ERBB2: variants seen among roughly 807,000 people sequenced by gnomAD.
The protein encoded by ERBB2 is erb-b2 receptor tyrosine kinase 2.
In ERBB2, 61 loss-of-function variants were observed where a neutral mutation model predicts 149.0. The observed-to-expected ratio is 0.41, with a 90% CI of 0.33 to 0.51. The LOEUF is 0.51. ERBB2 is among the 20% of genes least tolerant of loss of function. The pLI, the probability that ERBB2 is intolerant of heterozygous loss-of-function variation, is 0.25. For missense variants in ERBB2, 1,205 were observed against 1,655.1 expected (o/e 0.73, Z 4.72); for synonymous variants, 633 against 678.8 (o/e 0.93, Z 1.05).
At chr17:39,709,592 C>T in intron 4 of ERBB2, 140 bp downstream of exon 4, 2 of 1,026,138 alleles carry the variant, frequency 1.9e-6, no homozygotes, top group Non-Finnish European at 2.9e-6. Flanking sequence ...GTCCCTCCTG[C>T]CATCTCCCTG....
intron 7 of ERBB2, 87 bp downstream of exon 7, chr17:39,710,568 A>G: frequency 6.8e-7 from 1 of 1,480,918 alleles, no homozygotes. Flanking sequence ...CACTGTCTGC[A>G]TCTTGCTTTG....
At chr17:39,708,298 C>A (rs1167002759) in intron 2 of ERBB2, 23 bp from the exon 3 acceptor site, 1 of 1,598,462 alleles carries the variant, frequency 6.3e-7, no homozygotes, top group Non-Finnish European at 8.6e-7. Flanking sequence ...CTATTTCAGC[C>A]CCACTCTGCT....
Position 39,711,719 on chromosome 17 carries a change from C to T in ERBB2, c.902-209C>T, listed in dbSNP as rs1449933917. On this transcript the variant is annotated intron_variant, in intron 7 of 26. Coordinates refer to ENST00000269571, the MANE Select transcript of ERBB2 (RefSeq NM_004448.4). ...CTTGAATAATTTACAGAACTCTCTG[C>T]TTTGGTCTCCCTTTTTGCAAAATGG... Among the ~76,000 whole-genome samples, 66 of 152,230 alleles carry T rather than the reference C, an allele frequency of 4.3e-4. 2 individuals carry two copies. Among genetic ancestry groups the T allele is most frequent in the Admixed American group, 4.3e-3 (66 of 15,284 alleles).
intron 16 of ERBB2, 26 bp downstream of exon 16, chr17:39,719,860 C>T (rs1169654029): frequency 4.3e-6 from 7 of 1,611,134 alleles, no homozygotes; most frequent in Non-Finnish European, 5.1e-6. Flanking sequence ...AGGATGTACC[C>T]TTCATTGCCC....
chr17:39,704,959 G>T (rs1174833611), intron 1 of ERBB2, among the ~76,000 whole-genome samples: 3 of 152,190 alleles, frequency 2.0e-5, no homozygotes, highest in Non-Finnish European at 2.9e-5. Flanking sequence ...GGATTTGTGT[G>T]TGTGCAGTTA....
In ERBB2 at chr17:39,726,654, A is replaced by C. The variant is rs202110098; in HGVS notation, c.2965A>C (p.Ile989Leu). Reference protein sequence around the residue: ...MARDPQRFVVIQNEDLGPASP... With the variant: ...MARDPQRFVVLQNEDLGPASP... The stretch of plus-strand genomic sequence containing the variant: ...CAGGGACCCCCAGCGCTTTGTGGTC[A>C]TCCAGGTACTGGGCCTCTGTGCCCC... Residue 989 changes from isoleucine (I) to leucine (L), a missense_variant, in exon 24 of 27, where the codon ATC (isoleucine) becomes CTC (leucine). By Grantham distance (5) the Ile-to-Leu change is conservative. Around this residue, in one of 6 missense-constraint regions of ERBB2, gnomAD observed 8 missense variants for 20.4 expected, o/e 0.39. Coordinates refer to ENST00000269571, the MANE Select transcript of ERBB2 (RefSeq NM_004448.4). The surrounding 1 kb of genome is among the most constrained non-coding windows in gnomAD (Gnocchi z 5.1). The C allele has an allele frequency of 3.1e-6, 5 of 1,613,962 alleles. No individual in the cohort carries two copies. Among genetic ancestry groups the C allele is most frequent in the Non-Finnish European group, 4.2e-6 (5 of 1,179,920 alleles).
chr17:39,706,052 G>A (rs1468294485), intron 1 of ERBB2, among the ~76,000 whole-genome samples: 1 of 152,206 alleles, frequency 6.6e-6, no homozygotes, highest in East Asian at 1.9e-4. Flanking sequence ...CCCTCACCAG[G>A]GGTGCTTTAC....
chr17:39,714,121 G>A (rs568878966), intron 9 of ERBB2, among the ~76,000 whole-genome samples: 2 of 152,114 alleles, frequency 1.3e-5, no homozygotes, highest in South Asian at 2.1e-4. Flanking sequence ...CCTTTCCAGA[G>A]GGGGCCATGG....
In ERBB2 at chr17:39,727,867, G is replaced by A. The variant is rs2143305666; in HGVS notation, c.3591G>A (p.Leu1197=). 1 of 1,614,120 alleles carries A rather than the reference G, an allele frequency of 6.2e-7. No individual in the cohort carries two copies. The highest frequency in any genetic ancestry group is 8.5e-7 in the Non-Finnish European group (1 of 1,179,992). The change falls in exon 27 of 27, where the codon TTG becomes TTA. Residue 1197 remains leucine, a synonymous_variant. Coordinates refer to ENST00000269571, the MANE Select transcript of ERBB2 (RefSeq NM_004448.4). This position sits in a 1 kb window ranked among gnomAD's most constrained non-coding sequence, Gnocchi z 4.3. Reference sequence around the variant, plus strand: ...GTGCCGTGGAGAACCCCGAGTACTTGACACCCCAGGGAGGAGCTGCCCCTC... The same window carrying A: ...GTGCCGTGGAGAACCCCGAGTACTTAACACCCCAGGGAGGAGCTGCCCCTC... The part of the protein sequence containing the change: ...FGGAVENPEY[L]TPQGGAAPQP...
chr17:39,722,587 C>G (rs906322296), intron 16 of ERBB2, among the ~76,000 whole-genome samples: 1 of 152,196 alleles, frequency 6.6e-6, no homozygotes, highest in Non-Finnish European at 1.5e-5. Context: ...CAACTGTAAG[C>G]TGCTGGCAGT....
chr17:39,707,132 C>A lies in ERBB2; in HGVS notation c.216C>A (p.Ser72=). The change falls in exon 2 of 27, where the codon TCC becomes TCA. Residue 72 remains serine (S), a synonymous_variant. Coordinates refer to ENST00000269571, the MANE Select transcript of ERBB2 (RefSeq NM_004448.4). ...ACCTGCCCACCAATGCCAGCCTGTC[C>A]TTCCTGCAGGTGAGGCCCGTGGGCA... is the stretch of plus-strand genomic sequence containing the variant. ...LTYLPTNASL[S]FLQDIQEVQG... 1 of 1,583,348 alleles carries A rather than the reference C, an allele frequency of 6.3e-7. No individual in the cohort carries two copies. The highest frequency in any genetic ancestry group is 8.6e-7 in the Non-Finnish European group (1 of 1,163,900).
At chr17:39,696,238 T>C (rs1440737001), upstream of ERBB2, among the ~76,000 whole-genome samples, 1 of 152,102 alleles carries the variant, frequency 6.6e-6, no homozygotes, top group Non-Finnish European at 1.5e-5. Flanking sequence ...CAGCTCTGAA[T>C]GGGCTCATTC....
chr17:39,724,837 T>G lies in ERBB2; in HGVS notation c.2419T>G (p.Leu807Val). 6.2e-7 allele frequency: 1 copy of G among 1,614,234 alleles called. No homozygotes were observed. Among genetic ancestry groups the G allele is most frequent in the Non-Finnish European group, 8.5e-7 (1 of 1,180,048 alleles). Reference protein sequence around the residue: ...VTQLMPYGCLLDHVRENRGRL... With the variant: ...VTQLMPYGCLVDHVRENRGRL... ...ACAGCTTATGCCCTATGGCTGCCTC[T>G]TAGACCATGTCCGGGAAAACCGCGG... Residue 807 changes from leucine (L) to valine (V), a missense_variant, in exon 20 of 27, where the codon TTA becomes GTA. By Grantham distance (32) the Leu-to-Val change is conservative. Around this residue, in one of 6 missense-constraint regions of ERBB2, gnomAD observed 152 missense variants for 318.1 expected, o/e 0.48. Coordinates refer to ENST00000269571, the MANE Select transcript of ERBB2 (RefSeq NM_004448.4).
Position 39,707,121 on chromosome 17 carries a change from G to A in ERBB2, c.205G>A (p.Ala69Thr). 1 of 1,591,446 alleles carries A rather than the reference G, an allele frequency of 6.3e-7. No individual in the cohort carries two copies. Among genetic ancestry groups the A allele is most frequent in the Non-Finnish European group, 8.6e-7 (1 of 1,168,688 alleles). ...GGAACTCACCTACCTGCCCACCAATGCCAGCCTGTCCTTCCTGCAGGTGAG... is the reference window on the plus strand; with the variant it reads ...GGAACTCACCTACCTGCCCACCAATACCAGCCTGTCCTTCCTGCAGGTGAG... ...NLELTYLPTNASLSFLQDIQE... is the reference protein window; with the variant it reads ...NLELTYLPTNTSLSFLQDIQE... The change falls in exon 2 of 27, where the codon GCC becomes ACC. Residue 69 changes from alanine (A) to threonine (T), a missense_variant. By Grantham distance (58) the Ala-to-Thr change is moderately conservative. Around this residue, in one of 6 missense-constraint regions of ERBB2, gnomAD observed 101 missense variants for 95.1 expected, o/e 1.06. Coordinates refer to ENST00000269571, the MANE Select transcript of ERBB2 (RefSeq NM_004448.4).
rs1567911318 is a variant in ERBB2, at chr17:39,723,365, G to A, written c.1993G>A (p.Val665Met). The A allele has an allele frequency of 6.2e-7, 1 of 1,614,018 alleles. No individual in the cohort carries two copies. ...ISAVVGILLV[V>M]VLGVVFGILI... ...TGCGGTGGTTGGCATTCTGCTGGTC[G>A]TGGTCTTGGGGGTGGTCTTTGGGAT... The change falls in exon 17 of 27, where the codon GTG becomes ATG. Residue 665 changes from valine to methionine, a missense_variant. By Grantham distance (21) the Val-to-Met change is conservative (BLOSUM62 1). Around this residue, in one of 6 missense-constraint regions of ERBB2, gnomAD observed 569 missense variants for 803.5 expected, o/e 0.71. Transcript: ENST00000269571. This position sits in a 1 kb window ranked among gnomAD's most constrained non-coding sequence, Gnocchi z 6.2.
At chr17:39,719,947 T>C (rs2059360366) in intron 16 of ERBB2, 113 bp downstream of exon 16, 1 of 962,622 alleles carries the variant, frequency 1.0e-6, no homozygotes, top group South Asian at 1.3e-5. Flanking sequence ...TCCCACCCAC[T>C]CTTCCACTGT....
upstream of ERBB2, among the ~76,000 whole-genome samples, chr17:39,697,145 C>T (rs2057881190): frequency 6.6e-6 from 1 of 152,136 alleles, no homozygotes; most frequent in Non-Finnish European, 1.5e-5. Flanking sequence ...CCCTGATCCT[C>T]ACCCTAACCC....
At chr17:39,718,837 A>T (rs2059293758) in intron 15 of ERBB2, among the ~76,000 whole-genome samples, 1 of 152,152 alleles carries the variant, frequency 6.6e-6, no homozygotes, top group Non-Finnish European at 1.5e-5. Context: ...GTTTATTGCA[A>T]TTGAGCTCCA....
upstream of ERBB2, among the ~76,000 whole-genome samples, chr17:39,691,088 A>G (rs1490849849): frequency 1.3e-5 from 2 of 152,016 alleles, no homozygotes; most frequent in Non-Finnish European, 2.9e-5. Context: ...CAAGCTGACC[A>G]TGTTCTTAGA....
Sources: allele counts gnomAD v4.1 joint callset (sites outside exome capture counted in the v4.1 genomes callset), GRCh38; gene constraint gnomAD v4.1.1; regional missense constraint gnomAD v4.1.1; non-coding constraint Gnocchi (gnomAD v3.1); transcripts MANE v1.5; gene names NCBI Gene and HGNC (gene_info 2026-07-23, HGNC 2026-07-21).